The following SMG6 variants were observed in gnomAD, a reference collection of about 807,000 sequenced individuals.
SMG6 encodes SMG6 nonsense mediated mRNA decay factor.
Under a neutral mutation model 142.2 loss-of-function variants are expected in SMG6, and 66 were observed. The observed-to-expected ratio is 0.46, with a 90% CI of 0.38 to 0.57. SMG6 has a LOEUF of 0.57. Ranked by LOEUF, SMG6 falls within the 20% of genes least tolerant of loss-of-function variation. The probability of loss-of-function intolerance (pLI) is 0.00; values close to 1 mark genes in which losing one functional copy is unlikely to be tolerated. For synonymous variants in SMG6, 779 were observed against 702.4 expected, an observed-to-expected ratio of 1.11 and a Z score of -1.72; for missense variants, 1,793 against 1,832.0, an observed-to-expected ratio of 0.98 and a Z score of 0.39.
At chr17:2,114,970 G>GAAATAAAATA (rs143639119) in intron 13 of SMG6, among the ~76,000 whole-genome samples, 2 of 117,584 alleles carry the variant, frequency 1.7e-5, no homozygotes, top group East Asian at 2.1e-4. Context: ...GAAATGAAAT[G>GAAATAAAATA]AAATAAAATA....
intron 12 of SMG6, among the ~76,000 whole-genome samples, chr17:2,173,840 T>C (rs543830404): frequency 7.6e-6 from 1 of 131,230 alleles, no homozygotes; most frequent in Non-Finnish European, 1.6e-5. Flanking sequence ...TGAGGATCCA[T>C]AAAGCTTTTT....
chr17:2,291,184 A>G (rs1202881227), intron 6 of SMG6, among the ~76,000 whole-genome samples: 3 of 152,118 alleles, frequency 2.0e-5, no homozygotes, highest in African/African-American at 7.2e-5. Context: ...ATAAAAAACT[A>G]GCCGGGCGTG....
chr17:2,147,055 A>C (rs2070690221), intron 13 of SMG6, among the ~76,000 whole-genome samples: 1 of 152,296 alleles, frequency 6.6e-6, no homozygotes, highest in East Asian at 1.9e-4. Context: ...ATCCAAAAGA[A>C]GGTATATATG....
At chr17:2,096,054 G>A (rs962821143) in intron 13 of SMG6, among the ~76,000 whole-genome samples, 19 of 152,076 alleles carry the variant, frequency 1.2e-4, no homozygotes, top group African/African-American at 3.9e-4. Context: ...AGCTTGGTAA[G>A]GTCTTTTTCT....
intron 8 of SMG6, among the ~76,000 whole-genome samples, chr17:2,250,224 T>C (rs2074016835): frequency 6.6e-6 from 1 of 152,192 alleles, no homozygotes; most frequent in Admixed American, 6.5e-5. Context: ...GAGTCGTTCC[T>C]GCTTCTACAG....
intron 6 of SMG6, among the ~76,000 whole-genome samples, chr17:2,287,154 C>T (rs914211830): frequency 2.6e-5 from 4 of 151,958 alleles, no homozygotes; most frequent in Non-Finnish European, 2.9e-5. Context: ...CTCTTGACCT[C>T]GTGATCCGCC....
intron 13 of SMG6, among the ~76,000 whole-genome samples, chr17:2,139,093 A>G (rs1319583743): frequency 6.6e-6 from 1 of 152,212 alleles, no homozygotes; most frequent in Non-Finnish European, 1.5e-5. Context: ...TAAGAGGACG[A>G]AAGTCATATT....
In SMG6 at chr17:2,071,181, C is replaced by T. The variant is rs1220220605; in HGVS notation, c.3682-2250G>A. 1.3e-5 allele frequency among the ~76,000 whole-genome samples: 2 copies of T among 152,196 alleles called. No homozygotes were observed. Among genetic ancestry groups the T allele is most frequent in the East Asian group, 3.8e-4 (2 of 5,200 alleles). On this transcript the variant is annotated intron_variant, in intron 15 of 18. Transcript: ENST00000263073. The surrounding 1 kb of genome is among the most constrained non-coding windows in gnomAD (Gnocchi z 5.6). ...CGCCTCTGCCTCTGCCTCTGCCCCG[C>T]AAGTCCACTACCATCTCAGTTCTCC...
At chr17:2,257,522 T>C (rs2074211788) in intron 8 of SMG6, among the ~76,000 whole-genome samples, 1 of 152,174 alleles carries the variant, frequency 6.6e-6, no homozygotes, top group Non-Finnish European at 1.5e-5. Flanking sequence ...TTCCATCTGC[T>C]ACATTCCAGC....
At chr17:2,061,891 G>A (rs2067791985) in intron 18 of SMG6, 2 of 414,652 alleles carry the variant, frequency 4.8e-6, no homozygotes, top group Non-Finnish European at 9.1e-6. Flanking sequence ...GCCCAAACCC[G>A]TCAGCCTCCC....
At chr17:2,243,997 T>C (rs216219) in intron 9 of SMG6, among the ~76,000 whole-genome samples, 87,857 of 151,938 alleles carry the variant, frequency 0.58, 26,584 homozygotes, top group East Asian at 0.75. Context: ...ACTAGTTTTA[T>C]GCAGAGAGGA....
At chr17:2,237,666 T>C in intron 9 of SMG6, 1 of 612,222 alleles carries the variant, frequency 1.6e-6, no homozygotes, top group Non-Finnish European at 2.0e-6. Flanking sequence ...GGCAGAAATC[T>C]AGCCAGTGAC....
Position 2,071,511 on chromosome 17 carries a change from T to G in SMG6, c.3682-2580A>C, listed in dbSNP as rs2068098658. Among the ~76,000 whole-genome samples, 1 of 152,188 alleles carries G rather than the reference T, an allele frequency of 6.6e-6. No homozygotes were observed. The highest frequency in any genetic ancestry group is 1.5e-5 in the Non-Finnish European group (1 of 68,030). On this transcript the variant is annotated intron_variant, in intron 15 of 18. Coordinates refer to ENST00000263073, the MANE Select transcript of SMG6 (RefSeq NM_017575.5). The surrounding 1 kb of genome is among the most constrained non-coding windows in gnomAD (Gnocchi z 5.6). ...AGAAAGGTGAATAGGCCGCAGCCTT[T>G]CAGAGGGGGCTTCCCTGGGTGTGGG...
At position 2,065,140 on chromosome 17, in the gene SMG6, A is replaced by G; in HGVS notation, c.4062T>C (p.Asp1354=). The G allele has an allele frequency of 1.9e-6, 3 of 1,613,634 alleles. No individual in the cohort carries two copies. Among genetic ancestry groups the G allele is most frequent in the Non-Finnish European group, 2.5e-6 (3 of 1,179,690 alleles). The change falls in exon 18 of 19, where the codon GAT becomes GAC. Residue 1354 remains aspartate, a synonymous_variant. Transcript: ENST00000263073. The part of the protein sequence containing the change: ...DITGQLGNND[D]LILSCCLHYC... ...AGTGGAGGCAGCAGGACAGGATGAG[A>G]TCATCGTTGTTACCCTGGAGGAAGA...
At chr17:2,260,921 G>A (rs1458833218) in intron 8 of SMG6, among the ~76,000 whole-genome samples, 5 of 151,904 alleles carry the variant, frequency 3.3e-5, no homozygotes, top group South Asian at 2.1e-4. Context: ...ACTTGAACCC[G>A]GGAGGCGGAG....
chr17:2,191,111 C>A (rs771923132), intron 10 of SMG6, among the ~76,000 whole-genome samples: 2 of 152,206 alleles, frequency 1.3e-5, no homozygotes, highest in Non-Finnish European at 2.9e-5. Flanking sequence ...ATGGTCTCTG[C>A]AACCGTAGGA....
At chr17:2,173,313 G>A in intron 12 of SMG6, 1 of 187,586 alleles carries the variant, frequency 5.3e-6, no homozygotes, top group Non-Finnish European at 1.1e-5. Context: ...GGAGGGTCTA[G>A]TCACAATACA....
At chr17:2,099,839 G>A (rs1188132361) in intron 13 of SMG6, among the ~76,000 whole-genome samples, 1 of 152,098 alleles carries the variant, frequency 6.6e-6, no homozygotes, top group Non-Finnish European at 1.5e-5. Flanking sequence ...CACACGCTGA[G>A]CTTATTAAAA....
At chr17:2,267,750 T>G (rs555158344) in intron 8 of SMG6, among the ~76,000 whole-genome samples, 1 of 113,198 alleles carries the variant, frequency 8.8e-6, no homozygotes, top group African/African-American at 2.8e-5. Flanking sequence ...TTTTTATTAT[T>G]ATTTTTTTTT....
Sources: allele counts gnomAD v4.1 joint callset (sites outside exome capture counted in the v4.1 genomes callset), GRCh38; gene constraint gnomAD v4.1.1; non-coding constraint Gnocchi (gnomAD v3.1); transcripts MANE v1.5; gene names NCBI Gene and HGNC (gene_info 2026-07-23, HGNC 2026-07-21).